The following SPAG16 variants were observed in gnomAD, a reference collection of about 807,000 sequenced individuals.
SPAG16 encodes the protein sperm-associated antigen 16 protein.
SPAG16 carries 86 observed loss-of-function variants against 80.4 expected under a neutral mutation model. The observed-to-expected ratio is 1.07, with a 90% CI of 0.90 to 1.28. The LOEUF (loss-of-function observed/expected upper bound fraction) is 1.28, where lower values mean the gene tolerates loss of function less well. SPAG16 is among the 50% of genes most tolerant of loss of function. The pLI is 0.00. For missense variants in SPAG16, 870 were observed against 765.3 expected, an observed-to-expected ratio of 1.14 and a Z score of -1.61; for synonymous variants, 294 against 265.9, an observed-to-expected ratio of 1.11 and a Z score of -1.03.
chr2:213,653,328 G>A (rs1384352409), intron 10 of SPAG16, among the ~76,000 whole-genome samples: 4 of 152,162 alleles, frequency 2.6e-5, no homozygotes, highest in Non-Finnish European at 5.9e-5. Flanking sequence ...AATATAAGCT[G>A]TGGGACTAAT....
chr2:213,744,178 T>C (rs1400744822), intron 10 of SPAG16, among the ~76,000 whole-genome samples: 2 of 152,308 alleles, frequency 1.3e-5, no homozygotes, highest in East Asian at 1.9e-4. Flanking sequence ...TGTATTAATA[T>C]TTGGACAGCT....
chr2:213,759,129 G>A (rs938050530), intron 10 of SPAG16, among the ~76,000 whole-genome samples: 4 of 152,136 alleles, frequency 2.6e-5, no homozygotes, highest in African/African-American at 9.7e-5. Flanking sequence ...ACAACAGTTG[G>A]GAGAGCTTGT....
At chr2:214,270,522 T>C (rs1576641507) in intron 15 of SPAG16, among the ~76,000 whole-genome samples, 3 of 152,242 alleles carry the variant, frequency 2.0e-5, no homozygotes, top group Middle Eastern at 6.8e-3. Context: ...CTCCCCAAAA[T>C]GGAACTCACG....
At chr2:213,433,448 G>A (rs2125494820) in intron 9 of SPAG16, among the ~76,000 whole-genome samples, 1 of 152,268 alleles carries the variant, frequency 6.6e-6, no homozygotes, top group African/African-American at 2.4e-5. Flanking sequence ...GCATTTCTCT[G>A]CACCAGTAAT....
At chr2:213,343,961 A>G (rs72937077) in intron 6 of SPAG16, among the ~76,000 whole-genome samples, 21,492 of 152,074 alleles carry the variant, frequency 0.14, 2,317 homozygotes, top group East Asian at 0.46. Flanking sequence ...GCTTATTCCA[A>G]TTGTTAAGTA....
At chr2:213,887,136 A>G (rs1383301548) in intron 11 of SPAG16, among the ~76,000 whole-genome samples, 1 of 152,228 alleles carries the variant, frequency 6.6e-6, no homozygotes, top group Non-Finnish European at 1.5e-5. Flanking sequence ...TTGACATATT[A>G]CATAACCACA....
intron 10 of SPAG16, among the ~76,000 whole-genome samples, chr2:213,771,954 GTTTTAAAGTATTT>G (rs2069275637): frequency 6.6e-6 from 1 of 151,996 alleles, no homozygotes; most frequent in Admixed American, 6.6e-5. Flanking sequence ...TTTCATATGA[GTTTTAAAGTATTT>G]TTTTTCTAAT....
chr2:213,869,265 A>AAAAAAAAAAAATG (rs1491244962), intron 11 of SPAG16, among the ~76,000 whole-genome samples: 1 of 24,806 alleles, frequency 4.0e-5, no homozygotes. Context: ...AAAAAAAAAA[A>AAAAAAAAAAAATG]TATATATATA....
chr2:214,054,374 T>C (rs1244808074), intron 13 of SPAG16, among the ~76,000 whole-genome samples: 1 of 152,110 alleles, frequency 6.6e-6, no homozygotes, highest in African/African-American at 2.4e-5. Flanking sequence ...AAAGTAACAA[T>C]TAAAATCTCA....
intron 10 of SPAG16, among the ~76,000 whole-genome samples, chr2:213,649,176 A>G (rs913196742): frequency 6.6e-6 from 1 of 152,252 alleles, no homozygotes; most frequent in African/African-American, 2.4e-5. Context: ...TAATTTAAAG[A>G]AGAAAAGAGA....
chr2:214,344,436 ACTACT>A (rs1244945748), intron 15 of SPAG16, among the ~76,000 whole-genome samples: 1 of 152,154 alleles, frequency 6.6e-6, no homozygotes, highest in African/African-American at 2.4e-5. Context: ...TATCATTTTT[ACTACT>A]GTAATATGAA....
chr2:213,353,674 T>G (rs959452057), intron 7 of SPAG16, among the ~76,000 whole-genome samples: 2 of 152,118 alleles, frequency 1.3e-5, no homozygotes, highest in African/African-American at 4.8e-5. Flanking sequence ...TGTTGTTACC[T>G]CGTCCCTCAG....
chr2:214,176,485 C>A (rs1248756544), intron 15 of SPAG16, among the ~76,000 whole-genome samples: 1 of 151,058 alleles, frequency 6.6e-6, no homozygotes, highest in South Asian at 2.1e-4. Context: ...GGCTACTAAG[C>A]GGTCTTTCAA....
intron 15 of SPAG16, among the ~76,000 whole-genome samples, chr2:214,336,241 T>C (rs1484962667): frequency 1.3e-5 from 2 of 152,222 alleles, no homozygotes; most frequent in Non-Finnish European, 2.9e-5. Context: ...TTATTTTTTA[T>C]TATTTAATTT....
chr2:214,236,738 C>CAT (rs1294490765), intron 15 of SPAG16, among the ~76,000 whole-genome samples: 1 of 151,958 alleles, frequency 6.6e-6, no homozygotes, highest in East Asian at 1.9e-4. Flanking sequence ...AGGTAGCAAT[C>CAT]ATATATAGGG....
At chr2:213,471,598 G>T (rs568277704) in intron 9 of SPAG16, among the ~76,000 whole-genome samples, 55 of 152,308 alleles carry the variant, frequency 3.6e-4, no homozygotes, top group African/African-American at 1.2e-3. Context: ...ATGGGGGCCT[G>T]CCAGAGGCTC....
At chr2:213,850,406 G>A (rs1311805871) in intron 10 of SPAG16, among the ~76,000 whole-genome samples, 2 of 152,306 alleles carry the variant, frequency 1.3e-5, no homozygotes, top group African/African-American at 4.8e-5. Flanking sequence ...AAAATCCAGG[G>A]AAAACTGTCT....
chr2:214,152,080 A>G (rs930794559), intron 15 of SPAG16, among the ~76,000 whole-genome samples: 3 of 152,214 alleles, frequency 2.0e-5, no homozygotes, highest in Admixed American at 2.0e-4. Context: ...CTGCAAATCC[A>G]ACACAGTATA....
intron 15 of SPAG16, among the ~76,000 whole-genome samples, chr2:214,206,111 G>T (rs916428152): frequency 6.6e-6 from 1 of 152,080 alleles, no homozygotes. Context: ...CAGGAGAATC[G>T]CTTGAACCCA....
Sources: allele counts gnomAD v4.1 joint callset (sites outside exome capture counted in the v4.1 genomes callset), GRCh38; gene constraint gnomAD v4.1.1; transcripts MANE v1.5; gene names NCBI Gene and HGNC (gene_info 2026-07-23, HGNC 2026-07-21).